Variants in QTMAN observed in about 807,000 individuals in gnomAD.
The protein encoded by QTMAN is queuosine-tRNA mannosyltransferase.
the QTMAN span, among the ~76,000 whole-genome samples, chr2:144,058,163 C>CAA: frequency 7.0e-6 from 1 of 143,724 alleles, no homozygotes; most frequent in East Asian, 2.1e-4. Context: ...CACACACACA[C>CAA]ACACACAAAG....
the QTMAN span, among the ~76,000 whole-genome samples, chr2:144,274,558 A>G: frequency 6.6e-6 from 1 of 152,120 alleles, no homozygotes; most frequent in East Asian, 1.9e-4. Context: ...CATATAATGA[A>G]CCTCCATAAA....
chr2:144,104,681 G>A, the QTMAN span, among the ~76,000 whole-genome samples: 2 of 152,342 alleles, frequency 1.3e-5, no homozygotes, highest in African/African-American at 4.8e-5. Context: ...ACCTCTGGGG[G>A]CAGGGCATAG....
chr2:144,278,111 G>A, the QTMAN span, among the ~76,000 whole-genome samples: 1 of 152,134 alleles, frequency 6.6e-6, no homozygotes, highest in South Asian at 2.1e-4. Context: ...TTCCAAATTT[G>A]AGCAGAGCAT....
At chr2:144,169,474 T>C in the QTMAN span, among the ~76,000 whole-genome samples, 1 of 152,194 alleles carries the variant, frequency 6.6e-6, no homozygotes, top group Admixed American at 6.5e-5. Context: ...TCAGATCATT[T>C]CATCTTTCAG....
the QTMAN span, among the ~76,000 whole-genome samples, chr2:144,330,498 C>T: frequency 1.3e-5 from 2 of 152,118 alleles, no homozygotes; most frequent in Non-Finnish European, 2.9e-5. Flanking sequence ...CTGGAAGTGA[C>T]GTAGGCTATC....
At chr2:144,302,091 C>A in the QTMAN span, among the ~76,000 whole-genome samples, 1 of 152,146 alleles carries the variant, frequency 6.6e-6, no homozygotes, top group Non-Finnish European at 1.5e-5. Context: ...GGGGCCACCA[C>A]ACATCCAAGT....
chr2:144,302,900 G>A, the QTMAN span, among the ~76,000 whole-genome samples: 892 of 152,210 alleles, frequency 5.9e-3, 10 homozygotes, highest in African/African-American at 0.02. Context: ...TCAGGAGTTC[G>A]AGACCAGCCT....
the QTMAN span, among the ~76,000 whole-genome samples, chr2:144,246,299 C>T: frequency 1.6e-4 from 24 of 152,064 alleles, no homozygotes; most frequent in Admixed American, 3.3e-4. Context: ...AAAGGCCGGG[C>T]GCGGTGGCTC....
chr2:144,119,878 A>G, the QTMAN span, among the ~76,000 whole-genome samples: 16 of 152,110 alleles, frequency 1.1e-4, no homozygotes, highest in Non-Finnish European at 2.1e-4. Context: ...AAACAAAACA[A>G]AAAACAAAAA....
At chr2:144,331,598 A>G in the QTMAN span, among the ~76,000 whole-genome samples, 1 of 152,144 alleles carries the variant, frequency 6.6e-6, no homozygotes, top group Non-Finnish European at 1.5e-5. Context: ...GAATCTCAAG[A>G]TAACCTAAAG....
the QTMAN span, among the ~76,000 whole-genome samples, chr2:144,094,440 T>A: frequency 6.6e-6 from 1 of 152,170 alleles, no homozygotes; most frequent in Non-Finnish European, 1.5e-5. Flanking sequence ...CAAGACTGAG[T>A]AATTTCTTTT....
chr2:144,099,112 T>A, the QTMAN span, among the ~76,000 whole-genome samples: 1 of 152,214 alleles, frequency 6.6e-6, no homozygotes, highest in Non-Finnish European at 1.5e-5. Context: ...ACATGACATA[T>A]GCATCTGCAT....
chr2:144,218,939 C>CAAAAAAAAAAAAAAAAAAAAA, the QTMAN span, among the ~76,000 whole-genome samples: 4 of 104,242 alleles, frequency 3.8e-5, no homozygotes, highest in South Asian at 3.1e-4. Context: ...AAAAAAAAAG[C>CAAAAAAAAAAAAAAAAAAAAA]AAAATCCTAG....
chr2:144,192,627 A>G, the QTMAN span, among the ~76,000 whole-genome samples: 2 of 152,198 alleles, frequency 1.3e-5, no homozygotes, highest in African/African-American at 4.8e-5. Context: ...TTTCTATAGG[A>G]AAAAAATGCA....
chr2:144,026,818 C>G, the QTMAN span, among the ~76,000 whole-genome samples: 1 of 152,142 alleles, frequency 6.6e-6, no homozygotes, highest in Non-Finnish European at 1.5e-5. Context: ...AAACTTCAGC[C>G]TTTTATCCTC....
At chr2:143,959,850 C>T in the QTMAN span, among the ~76,000 whole-genome samples, 9 of 151,602 alleles carry the variant, frequency 5.9e-5, no homozygotes, top group Non-Finnish European at 1.0e-4. Context: ...TGGAAAAAGC[C>T]GAGTCAATTT....
At chr2:144,210,550 T>C in the QTMAN span, among the ~76,000 whole-genome samples, 1 of 152,140 alleles carries the variant, frequency 6.6e-6, no homozygotes, top group Non-Finnish European at 1.5e-5. Context: ...ATTTTAAACA[T>C]TAATTTGAGA....
chr2:144,143,042 G>A, the QTMAN span, among the ~76,000 whole-genome samples: 1 of 151,972 alleles, frequency 6.6e-6, no homozygotes, highest in African/African-American at 2.4e-5. Context: ...GATCACAAGG[G>A]TAAACAACCA....
At chr2:144,038,450 T>C in the QTMAN span, among the ~76,000 whole-genome samples, 1 of 152,220 alleles carries the variant, frequency 6.6e-6, no homozygotes, top group Admixed American at 6.5e-5. Context: ...TACAATTCTA[T>C]CCCTGTAGAA....
Sources: gnomAD v4.1 joint callset for allele counts (sites outside exome capture counted in the v4.1 genomes callset) on GRCh38, gnomAD v4.1.1 for gene constraint, MANE v1.5 for transcripts, NCBI Gene and HGNC (gene_info 2026-07-23, HGNC 2026-07-21) for gene names.